The following ATP2B1 variants were observed in gnomAD, a reference collection of about 807,000 sequenced individuals.
ATP2B1 encodes plasma membrane calcium-transporting ATPase 1.
Under a neutral mutation model 124.2 loss-of-function variants are expected in ATP2B1, and 14 were observed. The observed-to-expected ratio is 0.11, with a 90% confidence interval of 0.07 to 0.18. The LOEUF is 0.18. ATP2B1 is among the 10% of genes least tolerant of loss of function. The probability of loss-of-function intolerance (pLI) is 1.00; values close to 1 mark genes in which losing one functional copy is unlikely to be tolerated. For synonymous variants in ATP2B1, 449 were observed against 492.4 expected (o/e 0.91, Z 1.17); for missense variants, 763 against 1,466.1 (o/e 0.52, Z 7.83).
intron 1 of ATP2B1, among the ~76,000 whole-genome samples, chr12:89,707,215 T>A (rs1264705466): frequency 6.6e-6 from 1 of 152,062 alleles, no homozygotes; most frequent in Non-Finnish European, 1.5e-5. Flanking sequence ...TCGGGGCAAG[T>A]GGTGAAGGCC....
At chr12:89,670,302 A>G (rs1370474230) in intron 1 of ATP2B1, among the ~76,000 whole-genome samples, 1 of 152,214 alleles carries the variant, frequency 6.6e-6, no homozygotes, top group Admixed American at 6.5e-5. Context: ...TACGTTTAAC[A>G]ATAAATAAAA....
chr12:89,663,990 C>T (rs933370416), intron 1 of ATP2B1, among the ~76,000 whole-genome samples: 7 of 152,124 alleles, frequency 4.6e-5, no homozygotes, highest in South Asian at 2.1e-4. Flanking sequence ...AAACGAGATT[C>T]GTTTATTGAT....
At chr12:89,686,200 A>G (rs1023354683) in intron 1 of ATP2B1, among the ~76,000 whole-genome samples, 2 of 152,086 alleles carry the variant, frequency 1.3e-5, no homozygotes, top group Non-Finnish European at 2.9e-5. Context: ...ATCTTTCACC[A>G]TTTTTAGATG....
At position 89,642,203 on chromosome 12, in the gene ATP2B1, A is replaced by G. The variant is rs772321957; in HGVS notation, c.361T>C (p.Ser121Pro). The G allele has an allele frequency of 6.2e-7, 1 of 1,613,688 alleles. No individual in the cohort carries two copies. Among genetic ancestry groups the G allele is most frequent in the South Asian group, 1.1e-5 (1 of 91,082 alleles). ...LIILEIAAIV[S>P]LGLSFYQPPE... is the part of the protein sequence containing the mutation. ...GGCTGATAAAAAGAAAGGCCCAATG[A>G]TACTATGGCTGCAATTTCTAATATA... Residue 121 changes from serine to proline, a missense_variant, in exon 3 of 21, where the codon TCA becomes CCA. Around this residue, in one of 7 missense-constraint regions of ATP2B1, gnomAD observed 392 missense variants for 776.6 expected, o/e 0.50. Coordinates refer to ENST00000428670, the MANE Select transcript of ATP2B1 (RefSeq NM_001366521.1).
chr12:89,697,197 T>C (rs1182191037), intron 1 of ATP2B1, among the ~76,000 whole-genome samples: 4 of 152,278 alleles, frequency 2.6e-5, no homozygotes, highest in South Asian at 4.1e-4. Context: ...CAGACTCTTA[T>C]CAGGCAGTGG....
chr12:89,658,501 C>CCATTCCA (rs2136386421), intron 1 of ATP2B1, among the ~76,000 whole-genome samples: 1 of 152,080 alleles, frequency 6.6e-6, no homozygotes, highest in South Asian at 2.1e-4. Context: ...ACCAAGTCAT[C>CCATTCCA]CATTCCAGCT....
chr12:89,592,002 C>CA (rs1873661687), intron 20 of ATP2B1, among the ~76,000 whole-genome samples: 1 of 151,888 alleles, frequency 6.6e-6, no homozygotes, highest in Non-Finnish European at 1.5e-5. Context: ...AGATCAAAAA[C>CA]AAAAACAAAT....
chr12:89,677,971 T>TATATATATATATACACAC (rs1461216851), intron 1 of ATP2B1, among the ~76,000 whole-genome samples: 5 of 52,306 alleles, frequency 9.6e-5, no homozygotes, highest in African/African-American at 3.5e-4. Flanking sequence ...TATATATATA[T>TATATATATATATACACAC]ACACACACAC....
intron 20 of ATP2B1, chr12:89,594,698 G>A (rs1284514417): frequency 6.6e-6 from 1 of 150,754 alleles, no homozygotes; most frequent in Admixed American, 6.6e-5. Flanking sequence ...GATTATCAAG[G>A]TAAACAATAT....
At chr12:89,606,827 C>T (rs138775265) in intron 15 of ATP2B1, among the ~76,000 whole-genome samples, 5,375 of 152,068 alleles carry the variant, frequency 0.035, 297 homozygotes, top group African/African-American at 0.12. Flanking sequence ...CCACCCGCCT[C>T]GGCCTCCCAA....
intron 2 of ATP2B1, among the ~76,000 whole-genome samples, chr12:89,648,780 C>A (rs1050505170): frequency 6.6e-6 from 1 of 152,250 alleles, no homozygotes; most frequent in Admixed American, 6.5e-5. Context: ...GGCCCAGCAG[C>A]CTAGGCGGAA....
chr12:89,646,745 A>G (rs1884504514), intron 2 of ATP2B1, among the ~76,000 whole-genome samples: 1 of 152,264 alleles, frequency 6.6e-6, no homozygotes, highest in Non-Finnish European at 1.5e-5. Flanking sequence ...AAGTGGCAAC[A>G]GTAAGCATAG....
rs1873025122 is a variant in ATP2B1, at chr12:89,588,538, A to ACATTATAATG, written c.*2445_*2446insCATTATAATG. On this transcript the variant is annotated 3_prime_UTR_variant, in exon 21 of 21. Transcript: ENST00000428670. ...TATACATACTATATAATGGGATCCA[A>ACATTATAATG]GATCTTTAACAGCTTGCTTGCATTT... 1.3e-5 allele frequency: 2 copies of ACATTATAATG among 152,620 alleles called. No individual in the cohort carries two copies. Among genetic ancestry groups the ACATTATAATG allele is most frequent in the Non-Finnish European group, 2.9e-5 (2 of 68,014 alleles). 9.5% of individuals were successfully genotyped at this position (152,620 alleles called of 1,614,324 possible).
chr12:89,598,556 T>G (rs529097497), intron 20 of ATP2B1: 8 of 1,586,834 alleles, frequency 5.0e-6, no homozygotes, highest in Admixed American at 1.7e-5. Flanking sequence ...AAGTAGGAAA[T>G]GTTAATTTCA....
intron 12 of ATP2B1, among the ~76,000 whole-genome samples, chr12:89,615,151 T>C (rs895742838): frequency 5.3e-5 from 8 of 152,170 alleles, no homozygotes; most frequent in African/African-American, 1.9e-4. Context: ...CTTGCATTTC[T>C]CGTTTTGCTT....
intron 1 of ATP2B1, among the ~76,000 whole-genome samples, chr12:89,663,713 T>C (rs188668391): frequency 6.6e-5 from 10 of 152,216 alleles, no homozygotes; most frequent in Non-Finnish European, 1.3e-4. Context: ...CAGGTGACCA[T>C]TGATCCTGTT....
intron 1 of ATP2B1, among the ~76,000 whole-genome samples, chr12:89,675,716 C>G (rs1051194474): frequency 6.6e-6 from 1 of 152,006 alleles, no homozygotes; most frequent in African/African-American, 2.4e-5. Context: ...TCAGGACCAC[C>G]AAAATATTTC....
intron 1 of ATP2B1, among the ~76,000 whole-genome samples, chr12:89,677,971 T>TATATATATATACATATATATATAC (rs1461216851): frequency 9.8e-4 from 51 of 52,292 alleles, no homozygotes; most frequent in Non-Finnish European, 1.4e-3. Flanking sequence ...TATATATATA[T>TATATATATATACATATATATATAC]ACACACACAC....
intron 1 of ATP2B1, among the ~76,000 whole-genome samples, chr12:89,690,771 A>G (rs1263518552): frequency 6.6e-6 from 1 of 152,132 alleles, no homozygotes; most frequent in African/African-American, 2.4e-5. Context: ...TTCTGGTAGT[A>G]TAAATTCTCC....
Sources: gnomAD v4.1 joint callset for allele counts (sites outside exome capture counted in the v4.1 genomes callset) on GRCh38, gnomAD v4.1.1 for gene constraint, gnomAD v4.1.1 regional missense constraint, MANE v1.5 for transcripts, NCBI Gene and HGNC (gene_info 2026-07-23, HGNC 2026-07-21) for gene names.